The following FCHSD2 variants were observed in gnomAD, a reference collection of about 807,000 sequenced individuals.
FCHSD2 encodes the protein F-BAR and double SH3 domains protein 2.
FCHSD2 carries 38 observed loss-of-function variants against 108.1 expected under a neutral mutation model. The observed-to-expected ratio is 0.35, with a 90% confidence interval of 0.27 to 0.46. FCHSD2 has a LOEUF of 0.46. Among genes scored for constraint, FCHSD2 ranks in the 20% least tolerant of loss-of-function variants. The pLI is 1.00. For synonymous variants in FCHSD2, 279 were observed against 314.7 expected (o/e 0.89, Z 1.20); for missense variants, 751 against 897.8 (o/e 0.84, Z 2.09).
intron 9 of FCHSD2, among the ~76,000 whole-genome samples, chr11:72,913,611 T>C (rs912487346): frequency 6.6e-6 from 1 of 152,220 alleles, no homozygotes; most frequent in Non-Finnish European, 1.5e-5. Flanking sequence ...TATTGGCATA[T>C]ATTGTTCACA....
intron 7 of FCHSD2, among the ~76,000 whole-genome samples, chr11:72,984,779 G>A (rs763016479): frequency 2.0e-4 from 30 of 152,182 alleles, no homozygotes; most frequent in Non-Finnish European, 3.2e-4. Flanking sequence ...CAAAGCCCCC[G>A]GATTAAGTCT....
chr11:72,974,807 TA>T (rs990373009), intron 8 of FCHSD2, among the ~76,000 whole-genome samples: 37 of 145,390 alleles, frequency 2.5e-4, no homozygotes, highest in Non-Finnish European at 2.6e-4. Flanking sequence ...AAGAGGGCAT[TA>T]AAAAAAAAAG....
intron 9 of FCHSD2, among the ~76,000 whole-genome samples, chr11:72,910,962 A>G (rs1855752906): frequency 6.6e-6 from 1 of 150,776 alleles, no homozygotes; most frequent in Non-Finnish European, 1.5e-5. Flanking sequence ...CACTTTGTTG[A>G]TTATTTCCTT....
chr11:73,081,819 T>C (rs1313918089), intron 3 of FCHSD2, among the ~76,000 whole-genome samples: 3 of 152,210 alleles, frequency 2.0e-5, no homozygotes, highest in Non-Finnish European at 4.4e-5. Context: ...TCAAACCAGA[T>C]AACATATATA....
At chr11:73,025,977 T>G (rs554325142) in intron 3 of FCHSD2, among the ~76,000 whole-genome samples, 1 of 151,422 alleles carries the variant, frequency 6.6e-6, no homozygotes, top group Non-Finnish European at 1.5e-5. Context: ...GACTAAAGAA[T>G]TATAGAGATT....
intron 9 of FCHSD2, among the ~76,000 whole-genome samples, chr11:72,909,652 C>A (rs1855711705): frequency 6.7e-6 from 1 of 149,676 alleles, no homozygotes; most frequent in Admixed American, 6.6e-5. Context: ...CGGCCGCCAC[C>A]CTGTCTGGGA....
At chr11:72,876,834 T>C (rs1219666907) in intron 12 of FCHSD2, among the ~76,000 whole-genome samples, 1 of 152,228 alleles carries the variant, frequency 6.6e-6, no homozygotes, top group East Asian at 1.9e-4. Context: ...GCTTTATGTA[T>C]GTTGTAGCAT....
Position 72,881,699 on chromosome 11 carries a change from T to C in FCHSD2, c.1146+5771A>G, listed in dbSNP as rs185284915. ...CACACAATGGAATACTATTCAGTCATAAAAAAGAATGAAATCCTGTCATTT... is the reference window on the plus strand; with the variant it reads ...CACACAATGGAATACTATTCAGTCACAAAAAAGAATGAAATCCTGTCATTT... On this transcript the variant is annotated intron_variant, in intron 12 of 19. Coordinates refer to ENST00000409418, the MANE Select transcript of FCHSD2 (RefSeq NM_014824.3). 1.2e-3 allele frequency among the ~76,000 whole-genome samples: 190 copies of C among 152,218 alleles called. No homozygotes were observed. The Middle Eastern group carries it at 0.014, about 11-fold the overall frequency.
At chr11:73,087,610 CAGG>C (rs1490414042) in intron 2 of FCHSD2, among the ~76,000 whole-genome samples, 3 of 151,206 alleles carry the variant, frequency 2.0e-5, no homozygotes, top group African/African-American at 7.3e-5. Context: ...AAGGCTGAGG[CAGG>C]AGAATTGCTT....
intron 3 of FCHSD2, among the ~76,000 whole-genome samples, chr11:73,028,002 A>G (rs1291751305): frequency 6.6e-6 from 1 of 152,262 alleles, no homozygotes; most frequent in East Asian, 1.9e-4. Context: ...CTGGATGTCC[A>G]GGCAGAAGTC....
intron 3 of FCHSD2, among the ~76,000 whole-genome samples, chr11:73,053,603 A>G (rs1858953371): frequency 6.6e-6 from 1 of 152,234 alleles, no homozygotes. Flanking sequence ...ACTGTCGTCA[A>G]TCCAACCTAG....
At chr11:72,919,732 A>C (rs1261828285) in intron 9 of FCHSD2, among the ~76,000 whole-genome samples, 1 of 152,180 alleles carries the variant, frequency 6.6e-6, no homozygotes, top group African/African-American at 2.4e-5. Flanking sequence ...CATTTCAAAG[A>C]ATTTTGCTAG....
At chr11:72,876,065 A>G (rs192046403) in intron 12 of FCHSD2, among the ~76,000 whole-genome samples, 14 of 152,324 alleles carry the variant, frequency 9.2e-5, no homozygotes, top group African/African-American at 3.4e-4. Context: ...GACACCTGTG[A>G]TCCCCACATT....
chr11:72,900,090 A>G (rs1200881791), intron 10 of FCHSD2, among the ~76,000 whole-genome samples: 1 of 152,188 alleles, frequency 6.6e-6, no homozygotes, highest in African/African-American at 2.4e-5. Flanking sequence ...TCTTCACTAT[A>G]AACAGGGAAG....
intron 3 of FCHSD2, among the ~76,000 whole-genome samples, chr11:73,034,381 A>G (rs558112889): frequency 6.6e-6 from 1 of 152,374 alleles, no homozygotes; most frequent in Admixed American, 6.5e-5. Flanking sequence ...TGACTTTGGT[A>G]GCACACAAAC....
At chr11:72,861,481 T>C (rs900919671) in intron 13 of FCHSD2, among the ~76,000 whole-genome samples, 4 of 151,714 alleles carry the variant, frequency 2.6e-5, no homozygotes, top group Non-Finnish European at 5.9e-5. Context: ...CATACAATTC[T>C]ACACAAGGCT....
At chr11:72,870,005 C>A (rs928663770) in intron 12 of FCHSD2, among the ~76,000 whole-genome samples, 6 of 152,122 alleles carry the variant, frequency 3.9e-5, no homozygotes, top group Non-Finnish European at 7.3e-5. Flanking sequence ...TCTTTCCACA[C>A]CCCCCTATGC....
At chr11:73,090,467 C>T (rs1005021759) in intron 2 of FCHSD2, among the ~76,000 whole-genome samples, 10 of 152,124 alleles carry the variant, frequency 6.6e-5, no homozygotes, top group South Asian at 4.1e-4. Context: ...CCTCGTGATC[C>T]GCCCGCCTCG....
intron 8 of FCHSD2, among the ~76,000 whole-genome samples, chr11:72,942,813 G>T (rs1017685602): frequency 6.6e-6 from 1 of 152,074 alleles, no homozygotes; most frequent in African/African-American, 2.4e-5. Flanking sequence ...ACAGGGTCTC[G>T]CTCTATCACC....
Sources: allele counts gnomAD v4.1 joint callset (sites outside exome capture counted in the v4.1 genomes callset), GRCh38; gene constraint gnomAD v4.1.1; transcripts MANE v1.5; gene names NCBI Gene and HGNC (gene_info 2026-07-23, HGNC 2026-07-21).